The following DCAKD variants were observed in gnomAD, a reference collection of about 807,000 sequenced individuals.
DCAKD encodes the protein dephospho-CoA kinase domain-containing protein.
In DCAKD, 15 loss-of-function variants were observed where a neutral mutation model predicts 18.7. That is an observed-to-expected ratio of 0.80 (90% CI 0.54 to 1.24). The LOEUF (loss-of-function observed/expected upper bound fraction) is 1.24. Among genes scored for constraint, DCAKD ranks in the 50% most tolerant of loss-of-function variants. The probability of loss-of-function intolerance (pLI) is 0.00; values close to 1 mark genes in which losing one functional copy is unlikely to be tolerated. For missense variants in DCAKD, 301 were observed against 322.0 expected (o/e 0.93, Z 0.50); for synonymous variants, 130 against 133.0 (o/e 0.98, Z 0.16).
chr17:45,049,713 C>CTTTTTTTTTT (rs57106886), intron 1 of DCAKD, among the ~76,000 whole-genome samples: 17 of 111,870 alleles, frequency 1.5e-4, no homozygotes, highest in East Asian at 5.2e-4. Flanking sequence ...TTTTCTTTTC[C>CTTTTTTTTTT]TTTTTTTTTT....
chr17:45,037,767 C>CTT (rs1379583192), intron 1 of DCAKD, among the ~76,000 whole-genome samples: 13 of 110,902 alleles, frequency 1.2e-4, no homozygotes, highest in South Asian at 2.9e-4. Context: ...GCTTCAAGAG[C>CTT]TTTTTTTTTT....
intron 3 of DCAKD, 31 bp downstream of exon 3, chr17:45,034,156 C>A: frequency 7.1e-7 from 1 of 1,405,168 alleles, no homozygotes; most frequent in South Asian, 1.2e-5. Flanking sequence ...GGAAGGAGGC[C>A]CCGCCCCCCG....
In DCAKD at chr17:45,033,717, G is replaced by A. The variant is rs185316174; in HGVS notation, c.316+470C>T. 7.3e-4 allele frequency: 267 copies of A among 365,718 alleles called. 1 individual carries two copies. The highest frequency in any genetic ancestry group is 5.2e-3 in the African/African-American group (238 of 45,778). 22.7% of individuals were successfully genotyped at this position (365,718 alleles called of 1,614,324 possible). A position where few individuals can be genotyped will look rare whatever the true frequency, so the allele number is the denominator to read the frequency against. ...TGACCTCAAGTGATCTGCCTGCCTC[G>A]GCCTCCCAAAGTGCTGGGATTACAG... On this transcript the variant is annotated intron_variant, in intron 3 of 4. Coordinates refer to ENST00000651974, the MANE Select transcript of DCAKD (RefSeq NM_001288655.2).
In DCAKD at chr17:45,023,978, A is replaced by T. The variant is rs1425242445; in HGVS notation, c.*455T>A. On this transcript the variant is annotated 3_prime_UTR_variant, in exon 5 of 5. Transcript: ENST00000651974. ...TGAACATGGAAACCCTTGGTCCAACATGATTTCCCGTGGTCCACTGAGGAG... is the reference window on the plus strand; with the variant it reads ...TGAACATGGAAACCCTTGGTCCAACTTGATTTCCCGTGGTCCACTGAGGAG... The T allele has an allele frequency of 6.4e-6, 1 of 156,810 alleles. No individual in the cohort carries two copies. The highest frequency in any genetic ancestry group is 2.4e-5 in the African/African-American group (1 of 41,618). The allele number at this position is 156,810 out of a possible 1,614,324, so 9.7% of individuals were successfully genotyped here.
chr17:45,029,206 C>A (rs1004717184), intron 4 of DCAKD, among the ~76,000 whole-genome samples: 2 of 152,330 alleles, frequency 1.3e-5, no homozygotes, highest in East Asian at 3.9e-4. Flanking sequence ...AGGATGCCTG[C>A]GTCCCTGCAT....
upstream of DCAKD, among the ~76,000 whole-genome samples, chr17:45,056,087 A>G (rs2053776227): frequency 6.6e-6 from 1 of 151,792 alleles, no homozygotes; most frequent in Non-Finnish European, 1.5e-5. Flanking sequence ...CTCAGGAGGC[A>G]GAGGTTGCAG....
chr17:45,027,713 C>T (rs112423436), intron 4 of DCAKD, among the ~76,000 whole-genome samples: 4 of 152,126 alleles, frequency 2.6e-5, no homozygotes, highest in African/African-American at 4.8e-5. Flanking sequence ...AAGGGCCGGG[C>T]GCAGTGGCTC....
chr17:45,040,024 C>T (rs752048539), intron 1 of DCAKD, among the ~76,000 whole-genome samples: 6 of 150,782 alleles, frequency 4.0e-5, no homozygotes, highest in Non-Finnish European at 5.9e-5. Flanking sequence ...ATCTGGGAAG[C>T]GGAGGTTGCA....
intron 1 of DCAKD, among the ~76,000 whole-genome samples, chr17:45,048,225 C>CA (rs952419487): frequency 1.2e-4 from 17 of 143,394 alleles, no homozygotes; most frequent in Non-Finnish European, 2.4e-4. Context: ...TCTGTCTCTA[C>CA]AAAAAAATGG....
chr17:45,034,684 C>A, intron 2 of DCAKD, 90 bp downstream of exon 2: 2 of 1,397,654 alleles, frequency 1.4e-6, no homozygotes, highest in Non-Finnish European at 2.0e-6. Context: ...TTCCCCTCCT[C>A]TGAGACTTAT....
At chr17:45,028,864 C>T (rs1000531972) in intron 4 of DCAKD, among the ~76,000 whole-genome samples, 3 of 151,674 alleles carry the variant, frequency 2.0e-5, no homozygotes, top group South Asian at 2.1e-4. Flanking sequence ...GCCACAACAC[C>T]GGGCTAGTTT....
chr17:45,057,302 C>T (rs908550886), intron 1 of DCAKD, among the ~76,000 whole-genome samples: 1 of 152,026 alleles, frequency 6.6e-6, no homozygotes, highest in Non-Finnish European at 1.5e-5. Flanking sequence ...CTCAGCCTCC[C>T]AAAGTGTTGG....
Position 45,034,378 on chromosome 17 carries a change from C to G in DCAKD, c.125G>C (p.Gly42Ala), listed in dbSNP as rs1243525492. 6.8e-6 allele frequency: 11 copies of G among 1,613,798 alleles called. No individual in the cohort carries two copies. The highest frequency in any genetic ancestry group is 1.1e-5 in the South Asian group (1 of 91,082). ...DVMARHVVQP[G>A]YPAHRRIVEV... ...TACGATGCGCCGGTGGGCAGGGTAT[C>G]CTGGCTGCACGACTGTGGCAGGAGG... The change falls in exon 3 of 5, where the codon GGA becomes GCA. Residue 42 changes from glycine to alanine, a missense_variant. Physicochemically the swap from Gly to Ala is moderately conservative, Grantham distance 60. Transcript: ENST00000651974.
intron 4 of DCAKD, chr17:45,026,967 T>A (rs1280428532): frequency 4.1e-6 from 1 of 245,646 alleles, no homozygotes; most frequent in Non-Finnish European, 6.5e-6. Flanking sequence ...GAAATGGTCC[T>A]ATTCTAGTTA....
upstream of DCAKD, among the ~76,000 whole-genome samples, chr17:45,053,157 T>A (rs1230804464): frequency 9.3e-6 from 1 of 107,190 alleles, no homozygotes; most frequent in Non-Finnish European, 1.7e-5. Context: ...ACAGCAAGAC[T>A]CTGTCTCCAG....
chr17:45,043,820 C>G (rs2053496676), intron 1 of DCAKD, among the ~76,000 whole-genome samples: 1 of 152,030 alleles, frequency 6.6e-6, no homozygotes, highest in African/African-American at 2.4e-5. Context: ...TCCCTCCTCC[C>G]TCCTTCCACT....
intron 1 of DCAKD, among the ~76,000 whole-genome samples, chr17:45,050,202 G>A (rs1342965719): frequency 1.3e-5 from 2 of 151,546 alleles, no homozygotes; most frequent in Non-Finnish European, 2.9e-5. Context: ...CACCATGTCC[G>A]GCTAATTTTT....
upstream of DCAKD, among the ~76,000 whole-genome samples, chr17:45,052,258 C>A (rs967461730): frequency 1.3e-4 from 20 of 152,166 alleles, no homozygotes; most frequent in African/African-American, 4.3e-4. Context: ...AGGGTCCTAA[C>A]TTCGGATATA....
At chr17:45,046,817 C>T (rs114488661) in intron 1 of DCAKD, among the ~76,000 whole-genome samples, 63 of 152,092 alleles carry the variant, frequency 4.1e-4, no homozygotes, top group African/African-American at 1.3e-3. Flanking sequence ...CACCCATCTC[C>T]CATGTTTCAG....
Sources: gnomAD v4.1 joint callset for allele counts (sites outside exome capture counted in the v4.1 genomes callset) on GRCh38, gnomAD v4.1.1 for gene constraint, MANE v1.5 for transcripts, NCBI Gene and HGNC (gene_info 2026-07-23, HGNC 2026-07-21) for gene names.